The following DMXL2 variants were observed in gnomAD, a reference collection of about 807,000 sequenced individuals.
DMXL2 encodes the protein dmX-like protein 2.
In DMXL2, 103 loss-of-function variants were observed where a neutral mutation model predicts 331.1. The observed-to-expected ratio is 0.31, with a 90% CI of 0.27 to 0.37. DMXL2 has a LOEUF of 0.37. Among genes scored for constraint, DMXL2 ranks in the 10% least tolerant of loss-of-function variants. The pLI is 1.00. For synonymous variants in DMXL2, 1,281 were observed against 1,252.1 expected (o/e 1.02, Z -0.49); for missense variants, 3,171 against 3,642.9 (o/e 0.87, Z 3.33).
At chr15:51,587,208 T>C (rs1021637384) in intron 1 of DMXL2, among the ~76,000 whole-genome samples, 10 of 152,254 alleles carry the variant, frequency 6.6e-5, no homozygotes, top group Admixed American at 5.2e-4. Flanking sequence ...AGGGTACATG[T>C]GCACAACGTG....
intron 41 of DMXL2, 109 bp downstream of exon 41, chr15:51,453,435 GTTTTTT>G: frequency 1.7e-6 from 1 of 587,352 alleles, no homozygotes; most frequent in Non-Finnish European, 2.7e-6. Flanking sequence ...ATGTAACAAA[GTTTTTT>G]TTTTTAATGC....
Position 51,455,153 on chromosome 15 carries a change from T to C in DMXL2, c.8602A>G (p.Met2868Val). 2 of 1,613,046 alleles carry C rather than the reference T, an allele frequency of 1.2e-6. No homozygotes were observed. The highest frequency in any genetic ancestry group is 8.5e-7 in the Non-Finnish European group (1 of 1,179,038). Residue 2868 changes from methionine to valine, a missense_variant and splice_region_variant, in exon 40 of 44, where the codon ATG becomes GTG. Coordinates refer to ENST00000560891, the MANE Select transcript of DMXL2 (RefSeq NM_001378457.1). ...NQTASNPKPY[M>V]SWQCHSKATS... is the part of the protein sequence containing the mutation. ...TGGGAACATTTAGTGATACTTACCA[T>C]ATAAGGTTTAGGATTTGATGCAGTT...
At chr15:51,516,256 G>A (rs1180992189) in intron 14 of DMXL2, among the ~76,000 whole-genome samples, 2 of 152,240 alleles carry the variant, frequency 1.3e-5, no homozygotes, top group East Asian at 1.9e-4. Flanking sequence ...CAAATATCCT[G>A]AGGGCTAAAA....
chr15:51,563,434 C>A lies in DMXL2; in HGVS notation c.514G>T (p.Val172Leu). The A allele has an allele frequency of 6.2e-7, 1 of 1,608,332 alleles. No individual in the cohort carries two copies. The highest frequency in any genetic ancestry group is 1.3e-5 in the African/African-American group (1 of 74,656). ...TCAGGAGACCATTCCATCAAATGTA[C>A]AGATACTGAGGTTCTAAAAAAGAGA... ...CVWQCKTSVS[V>L]HLMEWSPDGE... The change falls in exon 6 of 44, where the codon GTA becomes TTA. Residue 172 changes from valine (V) to leucine (L), a missense_variant. By Grantham distance (32) the Val-to-Leu change is conservative. Coordinates refer to ENST00000560891, the MANE Select transcript of DMXL2 (RefSeq NM_001378457.1).
Position 51,463,495 on chromosome 15 carries a change from AC to A in DMXL2, c.7809del (p.Lys2603AsnfsTer42). On this transcript the variant is annotated frameshift_variant and splice_region_variant, in exon 33 of 44. Transcript: ENST00000560891. LOFTEE classifies it high-confidence loss of function. ...AMLEPENTPF[K>X]SRDSSAFPVK... ...ACTGGAAATGCAGAAGAATCCCGGG[AC>A]CTATTAAAAAAAATTAACATATCAC... 1 of 1,558,924 alleles carries A rather than the reference AC, an allele frequency of 6.4e-7. No homozygotes were observed. Among genetic ancestry groups the A allele is most frequent in the Non-Finnish European group, 8.6e-7 (1 of 1,156,466 alleles).
At chr15:51,511,575 C>G (rs1249961581) in intron 15 of DMXL2, among the ~76,000 whole-genome samples, 1 of 152,198 alleles carries the variant, frequency 6.6e-6, no homozygotes, top group African/African-American at 2.4e-5. Flanking sequence ...AACAGGAAGG[C>G]TTTTACACTG....
intron 7 of DMXL2, 33 bp from the exon 8 acceptor site, chr15:51,545,799 G>A (rs2048856541): frequency 2.5e-6 from 4 of 1,569,302 alleles, no homozygotes; most frequent in South Asian, 1.2e-5. Flanking sequence ...AAAGGTTAAT[G>A]TGAATATCAA....
chr15:51,501,734 C>A (rs1414195305), intron 17 of DMXL2, among the ~76,000 whole-genome samples: 1 of 150,934 alleles, frequency 6.6e-6, no homozygotes, highest in African/African-American at 2.4e-5. Flanking sequence ...TCCTGACTAA[C>A]ACAGTGAAAC....
intron 1 of DMXL2, among the ~76,000 whole-genome samples, chr15:51,611,612 A>G (rs2053974695): frequency 6.6e-6 from 1 of 152,140 alleles, no homozygotes. Context: ...GAGAAATGGG[A>G]GCTTTGTGTT....
rs1462258592 is a variant in DMXL2 at position 51,499,660 on chromosome 15, A to G, written c.3564T>C (p.Gly1188=). The G allele has an allele frequency of 1.2e-6, 2 of 1,614,040 alleles. No individual in the cohort carries two copies. The highest frequency in any genetic ancestry group is 1.1e-5 in the South Asian group (1 of 91,074). ...GCCTTCCATACATGAAGATATTCGC[A>G]CCGACTCCCACTGTAAGAATGTGGG... is the stretch of plus-strand genomic sequence containing the variant. The part of the protein sequence containing the change: ...DGSHILTVGV[G]ANIFMYGRLS... Residue 1188 remains glycine (G), a synonymous_variant, in exon 18 of 44, where the codon GGT becomes GGC. Transcript: ENST00000560891.
At chr15:51,618,350 A>G (rs797021235) in intron 1 of DMXL2, among the ~76,000 whole-genome samples, 1 of 150,840 alleles carries the variant, frequency 6.6e-6, no homozygotes, top group Non-Finnish European at 1.5e-5. Context: ...AGCTTAGCAC[A>G]CCTATGTGTT....
intron 41 of DMXL2, 149 bp downstream of exon 41, chr15:51,453,400 GA>G (rs541579751): frequency 3.8e-6 from 2 of 526,300 alleles, no homozygotes; most frequent in Non-Finnish European, 6.4e-6. Flanking sequence ...TTTTTGGTAA[GA>G]AAAAACACTC....
intron 6 of DMXL2, among the ~76,000 whole-genome samples, chr15:51,552,839 G>A (rs562826363): frequency 2.0e-5 from 3 of 152,292 alleles, no homozygotes; most frequent in East Asian, 3.9e-4. Context: ...ACTCCTGACT[G>A]TCTTATCCTA....
Position 51,466,148 on chromosome 15 carries a change from CAA to C in DMXL2, c.7520+34_7520+35del, listed in dbSNP as rs10706765. 3.1e-3 allele frequency: 4,171 copies of C among 1,366,838 alleles called. 60 individuals are homozygous for C. In the African/African-American group the frequency reaches 0.041, roughly 13 times the overall value. 84.7% of individuals were successfully genotyped at this position (1,366,838 alleles called of 1,614,324 possible). ...TGATATTTTCTACAAAAAGAAAAGC[CAA>C]AAAAAAAATGAGAGAAAGAAAAGTC... is the stretch of plus-strand genomic sequence containing the variant. On this transcript the variant is annotated intron_variant, in intron 30 of 43. Transcript: ENST00000560891.
intron 13 of DMXL2, among the ~76,000 whole-genome samples, chr15:51,528,275 G>A (rs973693511): frequency 3.1e-4 from 47 of 152,108 alleles, no homozygotes; most frequent in African/African-American, 1.0e-3. Flanking sequence ...CCAATCAAAA[G>A]ACATATAGTG....
Position 51,474,615 on chromosome 15 carries a change from A to G in DMXL2, c.6965-23T>C, listed in dbSNP as rs566193622. 27 of 1,572,354 alleles carry G rather than the reference A, an allele frequency of 1.7e-5. No individual in the cohort carries two copies. The South Asian group carries it at 3.2e-4, about 18-fold the overall frequency. ...CACCTATAAGGGTATATAAAATCAT[A>G]AGACGTATGTCAGGATGAAGCACCA... is the stretch of plus-strand genomic sequence containing the variant. On this transcript the variant is annotated intron_variant, in intron 27 of 43. Transcript: ENST00000560891.
intron 9 of DMXL2, among the ~76,000 whole-genome samples, chr15:51,540,327 C>T (rs2048517306): frequency 6.6e-6 from 1 of 152,062 alleles, no homozygotes; most frequent in Non-Finnish European, 1.5e-5. Context: ...TATCTATGTT[C>T]CTCACATGCA....
In DMXL2 at chr15:51,478,276, G is replaced by T; in HGVS notation, c.6828C>A (p.Ser2276Arg). 1 of 1,611,176 alleles carries T rather than the reference G, an allele frequency of 6.2e-7. No homozygotes were observed. Among genetic ancestry groups the T allele is most frequent in the South Asian group, 1.1e-5 (1 of 90,922 alleles). Residue 2276 changes from serine (S) to arginine (R), a missense_variant, in exon 26 of 44, where the codon AGC becomes AGA. By Grantham distance (110) the Ser-to-Arg change is moderately radical. Coordinates refer to ENST00000560891, the MANE Select transcript of DMXL2 (RefSeq NM_001378457.1). The stretch of plus-strand genomic sequence containing the variant: ...TTTGGGTGATTTTTTTTTACCTGTA[G>T]CTATGACTGTCACATAATGCTTGGT... Reference protein sequence around the residue: ...SIYQALCDSHSYSSQTEGNQF... With the variant: ...SIYQALCDSHRYSSQTEGNQF...
chr15:51,521,040 AAC>A (rs772398419), intron 13 of DMXL2, among the ~76,000 whole-genome samples: 11 of 152,168 alleles, frequency 7.2e-5, no homozygotes, highest in Non-Finnish European at 5.9e-5. Flanking sequence ...TTTTTATAAA[AAC>A]ATTCACGTTT....
Sources: allele counts gnomAD v4.1 joint callset (sites outside exome capture counted in the v4.1 genomes callset), GRCh38; gene constraint gnomAD v4.1.1; transcripts MANE v1.5; gene names NCBI Gene and HGNC (gene_info 2026-07-23, HGNC 2026-07-21).